TNKS: variants seen among roughly 807,000 people sequenced by gnomAD.
TNKS encodes the protein poly [ADP-ribose] polymerase tankyrase-1.
A neutral mutation model predicts 135.8 loss-of-function variants in TNKS; 72 were observed. The ratio of observed to expected loss-of-function variants is 0.53; its 90% CI spans 0.44 to 0.64. The LOEUF (loss-of-function observed/expected upper bound fraction) is 0.64, where lower values mean the gene tolerates loss of function less well. TNKS is among the 30% of genes least tolerant of loss of function. The pLI is 0.00. For missense variants in TNKS, 1,769 were observed against 1,674.0 expected, an observed-to-expected ratio of 1.06 and a Z score of -0.99; for synonymous variants, 849 against 649.3, an observed-to-expected ratio of 1.31 and a Z score of -4.68.
chr8:9,658,363 G>A (rs984726615), intron 3 of TNKS: 123 of 1,208,214 alleles, frequency 1.0e-4, no homozygotes, highest in African/African-American at 1.9e-4. Flanking sequence ...GGCGCTCGCC[G>A]GCGCGGCGGC....
At chr8:9,759,775 C>T (rs1458947075) in intron 20 of TNKS, among the ~76,000 whole-genome samples, 1 of 152,030 alleles carries the variant, frequency 6.6e-6, no homozygotes, top group Non-Finnish European at 1.5e-5. Context: ...GAGATCGAGA[C>T]CATCCTGGCT....
At chr8:9,770,081 G>T in intron 25 of TNKS, 25 bp from the exon 26 acceptor site, 1 of 1,577,220 alleles carries the variant, frequency 6.3e-7, no homozygotes, top group Non-Finnish European at 8.6e-7. Flanking sequence ...TTCCTTCAAA[G>T]CATTGTTTTT....
At chr8:9,581,668 A>G (rs1798171677) in intron 2 of TNKS, among the ~76,000 whole-genome samples, 1 of 152,016 alleles carries the variant, frequency 6.6e-6, no homozygotes, top group East Asian at 1.9e-4. Flanking sequence ...CAGCCACTGG[A>G]TTTTTCTCAG....
Position 9,695,777 on chromosome 8 carries a change from A to G in TNKS, c.1108-8886A>G, listed in dbSNP as rs535246416. ...TGATTGGATTCTGGATATATTTTGG[A>G]GGCATAGTCTCCAAGAGAAATAGTC... is the stretch of plus-strand genomic sequence containing the variant. On this transcript the variant is annotated intron_variant, in intron 5 of 26. Transcript: ENST00000310430. Among the ~76,000 whole-genome samples the G allele has an allele frequency of 3.9e-5, 6 of 152,262 alleles. 1 individual carries two copies. The highest frequency in any genetic ancestry group is 3.9e-4 in the Admixed American group (6 of 15,294).
At chr8:9,646,366 C>T (rs1041373483) in intron 3 of TNKS, among the ~76,000 whole-genome samples, 7 of 151,912 alleles carry the variant, frequency 4.6e-5, no homozygotes, top group East Asian at 1.9e-4. Flanking sequence ...TTTTTAAATT[C>T]GACCTTCAGT....
chr8:9,752,536 T>C lies in TNKS; in HGVS notation c.3071-8T>C, dbSNP rs2128828854. On this transcript the variant is annotated splice_region_variant and splice_polypyrimidine_tract_variant and intron_variant, in intron 19 of 26. Coordinates refer to ENST00000310430, the MANE Select transcript of TNKS (RefSeq NM_003747.3). ...TTTCTGAGAATCTTTAATATGTTTC[T>C]GTTTTAGTTGCTGGTCTTGACATGA... 6.2e-7 allele frequency: 1 copy of C among 1,603,964 alleles called. No individual in the cohort carries two copies. Among genetic ancestry groups the C allele is most frequent in the East Asian group, 2.2e-5 (1 of 44,776 alleles).
At chr8:9,592,353 A>G (rs186261887) in intron 2 of TNKS, among the ~76,000 whole-genome samples, 4 of 152,288 alleles carry the variant, frequency 2.6e-5, no homozygotes, top group South Asian at 2.1e-4. Flanking sequence ...CTATTTCTTC[A>G]TCTTACTGGC....
At chr8:9,591,343 G>C (rs1798584321) in intron 2 of TNKS, among the ~76,000 whole-genome samples, 1 of 152,192 alleles carries the variant, frequency 6.6e-6, no homozygotes, top group African/African-American at 2.4e-5. Flanking sequence ...ATGTAGCACA[G>C]TTGGTGGTTG....
intron 11 of TNKS, among the ~76,000 whole-genome samples, chr8:9,711,456 C>G (rs1189201596): frequency 1.3e-5 from 2 of 152,152 alleles, no homozygotes; most frequent in Non-Finnish European, 2.9e-5. Flanking sequence ...AATGGTAGAA[C>G]TTTTATAAAT....
At chr8:9,735,139 A>G (rs960725832) in intron 16 of TNKS, 55 bp downstream of exon 16, 217 of 1,527,452 alleles carry the variant, frequency 1.4e-4, no homozygotes, top group Non-Finnish European at 1.9e-4. Flanking sequence ...CACCTAATAC[A>G]GTTTACTAAA....
chr8:9,730,967 C>A lies in TNKS; in HGVS notation c.2079C>A (p.Gly693=). 2.5e-6 allele frequency: 4 copies of A among 1,614,056 alleles called. No homozygotes were observed. The highest frequency in any genetic ancestry group is 2.5e-6 in the Non-Finnish European group (3 of 1,179,974). ...RHSTPLHFAA[G]YNRVSVVEYL... ...CCACGCCCTTACACTTCGCAGCAGG[C>A]TACAACCGCGTGTCTGTTGTAGAGT... Residue 693 remains glycine (G), a synonymous_variant, in exon 14 of 27, where the codon GGC becomes GGA. Transcript: ENST00000310430.
intron 3 of TNKS, among the ~76,000 whole-genome samples, chr8:9,658,655 A>G (rs887506991): frequency 3.3e-5 from 5 of 152,218 alleles, no homozygotes; most frequent in Non-Finnish European, 7.3e-5. Context: ...GACCTTCAAG[A>G]CTAGGAAGAA....
intron 11 of TNKS, among the ~76,000 whole-genome samples, chr8:9,718,018 G>A (rs1223771680): frequency 3.5e-5 from 1 of 28,872 alleles, no homozygotes; most frequent in Non-Finnish European, 1.2e-4. Flanking sequence ...TAAACTGTCA[G>A]AAGTTATTAG....
rs1483112822 is a variant in TNKS at position 9,580,140 on chromosome 8, T to C, written c.674-19T>C. The C allele has an allele frequency of 7.5e-6, 12 of 1,606,578 alleles. No homozygotes were observed. The highest frequency in any genetic ancestry group is 1.3e-5 in the African/African-American group (1 of 74,726). On this transcript the variant is annotated intron_variant, in intron 1 of 26. Transcript: ENST00000310430. ...CAAAATCAAATATATATACAAGACA[T>C]TTTTTCGTTTCTTTTTAGGTTTTGG... is the stretch of plus-strand genomic sequence containing the variant.
rs923520913 is a variant in TNKS, at chr8:9,717,654, A to C, written c.1750-2720A>C. On this transcript the variant is annotated intron_variant, in intron 11 of 26. Transcript: ENST00000310430. ...ACCAACCATTTTCAAATATCTGTTT[A>C]TACAAGGCATGGTACTTACTGCTGA... is the stretch of plus-strand genomic sequence containing the variant. Among the ~76,000 whole-genome samples, 3 of 152,176 alleles carry C rather than the reference A, an allele frequency of 2.0e-5. No individual in the cohort carries two copies. The South Asian group carries it at 6.2e-4, about 31-fold the overall frequency.
rs1808306949 is a variant in TNKS at position 9,778,097 on chromosome 8, A to G, written c.*1361A>G. On this transcript the variant is annotated 3_prime_UTR_variant, in exon 27 of 27. Transcript: ENST00000310430. ...AATACCATACAATTTTCTTTGTGAA[A>G]TTACTGTTTATTTTCATCAACATTT... is the stretch of plus-strand genomic sequence containing the variant. The G allele has an allele frequency of 6.6e-6, 1 of 152,636 alleles. No homozygotes were observed. The highest frequency in any genetic ancestry group is 1.5e-5 in the Non-Finnish European group (1 of 68,042). 9.5% of individuals were successfully genotyped at this position (152,636 alleles called of 1,614,324 possible). A position where few individuals can be genotyped will look rare whatever the true frequency, so the allele number is the denominator to read the frequency against.
At chr8:9,643,777 C>T (rs977383881) in intron 3 of TNKS, among the ~76,000 whole-genome samples, 1 of 152,154 alleles carries the variant, frequency 6.6e-6, no homozygotes, top group South Asian at 2.1e-4. Context: ...TGGGTATATG[C>T]TCAAAAGAAC....
At chr8:9,642,094 C>T (rs998632050) in intron 3 of TNKS, among the ~76,000 whole-genome samples, 1 of 145,538 alleles carries the variant, frequency 6.9e-6, no homozygotes, top group Admixed American at 7.3e-5. Flanking sequence ...AAAACTTTAG[C>T]GTCTAAAGAA....
At chr8:9,748,272 T>A in intron 18 of TNKS, 60 bp downstream of exon 18, 1 of 1,318,048 alleles carries the variant, frequency 7.6e-7, no homozygotes, top group Non-Finnish European at 9.8e-7. Flanking sequence ...TGACATCAGA[T>A]TCTCGGGTTC....
Sources: allele counts gnomAD v4.1 joint callset (sites outside exome capture counted in the v4.1 genomes callset), GRCh38; gene constraint gnomAD v4.1.1; transcripts MANE v1.5; gene names NCBI Gene and HGNC (gene_info 2026-07-23, HGNC 2026-07-21).